Variants in AGBL2 observed in about 807,000 individuals in gnomAD.
AGBL2 encodes cytosolic carboxypeptidase 2.
AGBL2 carries 87 observed loss-of-function variants against 103.0 expected under a neutral mutation model. That is an observed-to-expected ratio of 0.84 (90% CI 0.71 to 1.01). AGBL2 has a LOEUF of 1.01. Among genes scored for constraint, AGBL2 ranks in the 50% least tolerant of loss-of-function variants. AGBL2 has a pLI of 0.00. For missense variants in AGBL2, 904 were observed against 1,023.5 expected (o/e 0.88, Z 1.59); for synonymous variants, 335 against 356.7 (o/e 0.94, Z 0.69).
intron 14 of AGBL2, among the ~76,000 whole-genome samples, chr11:47,673,183 C>T (rs1453776795): frequency 1.3e-5 from 2 of 152,148 alleles, no homozygotes; most frequent in African/African-American, 2.4e-5. Context: ...TAGAGGGAAA[C>T]AGACAATAAA....
chr11:47,684,423 G>T (rs1339926192), intron 11 of AGBL2, among the ~76,000 whole-genome samples: 4 of 151,642 alleles, frequency 2.6e-5, no homozygotes, highest in African/African-American at 9.7e-5. Context: ...TGGGTGTGGT[G>T]GCGGGTGCCT....
intron 8 of AGBL2, among the ~76,000 whole-genome samples, chr11:47,698,980 A>G (rs927180750): frequency 3.2e-4 from 49 of 152,052 alleles, no homozygotes; most frequent in Non-Finnish European, 5.4e-4. Flanking sequence ...AAAAAAAAAA[A>G]AAAAAGAATG....
Position 47,704,645 on chromosome 11 carries a change from C to T in AGBL2, c.484G>A (p.Glu162Lys). 1 of 1,613,974 alleles carries T rather than the reference C, an allele frequency of 6.2e-7. No homozygotes were observed. Among genetic ancestry groups the T allele is most frequent in the Non-Finnish European group, 8.5e-7 (1 of 1,179,982 alleles). ...AAAATGGAAAAGAGCTCTTGGGGTT[C>T]TCGAAGACGTGGGTTTACTTCATCC... ...ELDEVNPRLREPQELFSILST... is the reference protein window; with the variant it reads ...ELDEVNPRLRKPQELFSILST... Residue 162 changes from glutamate (E) to lysine (K), a missense_variant, in exon 7 of 19, where the codon GAA becomes AAA. Coordinates refer to ENST00000525123, the MANE Select transcript of AGBL2 (RefSeq NM_024783.4).
At chr11:47,686,686 C>T (rs2097425043) in intron 10 of AGBL2, among the ~76,000 whole-genome samples, 1 of 151,638 alleles carries the variant, frequency 6.6e-6, no homozygotes, top group Admixed American at 6.6e-5. Context: ...ACTGGCCGGG[C>T]ACGGTGGCTC....
chr11:47,672,705 G>A (rs1305530470), intron 14 of AGBL2, among the ~76,000 whole-genome samples: 2 of 152,138 alleles, frequency 1.3e-5, no homozygotes, highest in African/African-American at 2.4e-5. Context: ...TGGAAGGGAT[G>A]ACATGGTGAA....
Position 47,714,314 on chromosome 11 carries a change from G to A in AGBL2, c.67C>T (p.Arg23Cys). The change falls in exon 3 of 19, where the codon CGT (arginine) becomes TGT (cysteine). Residue 23 changes from arginine to cysteine, a missense_variant. Transcript: ENST00000525123. ...AAGTAGCCATAATATTGGAGGTGAC[G>A]GTACATAAAGTCTTCATAAGGATCA... is the stretch of plus-strand genomic sequence containing the variant. ...IPDPYEDFMY[R>C]HLQYYGYFKA... is the part of the protein sequence containing the mutation. 5 of 1,611,998 alleles carry A rather than the reference G, an allele frequency of 3.1e-6. No individual in the cohort carries two copies. Among genetic ancestry groups the A allele is most frequent in the Admixed American group, 1.7e-5 (1 of 59,618 alleles).
intron 11 of AGBL2, among the ~76,000 whole-genome samples, chr11:47,683,214 T>A (rs990296677): frequency 6.6e-6 from 1 of 151,376 alleles, no homozygotes; most frequent in African/African-American, 2.4e-5. Context: ...CTACTAAAAA[T>A]ACAAAAAAAT....
rs370641756 is a variant in AGBL2 at position 47,705,833 on chromosome 11, G to A, written c.286+31C>T. On this transcript the variant is annotated intron_variant, in intron 5 of 18. Transcript: ENST00000525123. ...AAGACATAGTCCAAAAAAGGAGCTT[G>A]AATCTTCTGGTCTGGAAGGACATGA... is the stretch of plus-strand genomic sequence containing the variant. 1.5e-4 allele frequency: 242 copies of A among 1,606,124 alleles called. No homozygotes were observed. In the Middle Eastern group the frequency reaches 1.8e-3, roughly 12 times the overall value.
At chr11:47,692,701 C>A (rs1019437837) in intron 8 of AGBL2, among the ~76,000 whole-genome samples, 2 of 151,674 alleles carry the variant, frequency 1.3e-5, no homozygotes, top group Non-Finnish European at 2.9e-5. Context: ...TGTGAGCCAC[C>A]ACGCCTGGCC....
chr11:47,668,768 C>A (rs998731436), intron 15 of AGBL2, 73 bp downstream of exon 15: 2 of 1,206,532 alleles, frequency 1.7e-6, no homozygotes, highest in Non-Finnish European at 2.5e-6. Flanking sequence ...TTGGAAAATT[C>A]CAACAAATTG....
chr11:47,685,872 AAAATTACATT>A lies in AGBL2; in HGVS notation c.1788+11_1788+20del. 6.2e-7 allele frequency: 1 copy of A among 1,609,534 alleles called. No homozygotes were observed. Among genetic ancestry groups the A allele is most frequent in the Non-Finnish European group, 8.5e-7 (1 of 1,177,172 alleles). ...CCCATGTCCCTAACTCAATGGAGAGAAAATTACATTATGTGCTTACCTTATCTGGTGCATT... is the reference window on the plus strand; with the variant it reads ...CCCATGTCCCTAACTCAATGGAGAGAATGTGCTTACCTTATCTGGTGCATT... On this transcript the variant is annotated intron_variant, in intron 11 of 18. Transcript: ENST00000525123.
intron 7 of AGBL2, among the ~76,000 whole-genome samples, chr11:47,702,110 C>T (rs1391672820): frequency 6.6e-6 from 1 of 152,110 alleles, no homozygotes; most frequent in Non-Finnish European, 1.5e-5. Context: ...ATGATTGCAC[C>T]ACTGCACTCC....
At chr11:47,685,027 T>C (rs1598979318) in intron 11 of AGBL2, among the ~76,000 whole-genome samples, 1 of 150,674 alleles carries the variant, frequency 6.6e-6, no homozygotes, top group African/African-American at 2.4e-5. Flanking sequence ...GCCAACGTGG[T>C]GAAACCCCGT....
At chr11:47,662,164 T>A (rs1031644574) in intron 18 of AGBL2, among the ~76,000 whole-genome samples, 1 of 151,846 alleles carries the variant, frequency 6.6e-6, no homozygotes, top group Non-Finnish European at 1.5e-5. Flanking sequence ...TTTTTAAAGT[T>A]TTTATATTTT....
At chr11:47,675,697 G>A (rs1387449391) in intron 14 of AGBL2, among the ~76,000 whole-genome samples, 1 of 151,946 alleles carries the variant, frequency 6.6e-6, no homozygotes, top group Non-Finnish European at 1.5e-5. Context: ...TCCCCATCTA[G>A]TGTTAAGGTT....
chr11:47,663,661 AT>A (rs2097333669), intron 17 of AGBL2, among the ~76,000 whole-genome samples: 1 of 150,396 alleles, frequency 6.6e-6, no homozygotes. Flanking sequence ...GGTTCAAGCG[AT>A]TCTCCTGCCT....
intron 13 of AGBL2, among the ~76,000 whole-genome samples, chr11:47,679,428 A>C (rs1281768716): frequency 6.6e-6 from 1 of 152,020 alleles, no homozygotes; most frequent in Admixed American, 6.6e-5. Flanking sequence ...CCATAGGTTA[A>C]GTCCAGAAGT....
intron 4 of AGBL2, among the ~76,000 whole-genome samples, chr11:47,708,884 G>A (rs2097529172): frequency 6.6e-6 from 1 of 152,050 alleles, no homozygotes; most frequent in African/African-American, 2.4e-5. Flanking sequence ...CACTTTGGGA[G>A]GCTGAGGTGG....
Position 47,690,288 on chromosome 11 carries a change from T to A in AGBL2, c.1419A>T (p.Lys473Asn). Residue 473 changes from lysine to asparagine, a missense_variant, in exon 10 of 19, where the codon AAA becomes AAT. Coordinates refer to ENST00000525123, the MANE Select transcript of AGBL2 (RefSeq NM_024783.4). The part of the protein sequence containing the change: ...PGESNGSWVM[K>N]GFLDFILSNS... Reference sequence around the variant, plus strand: ...TGCTAAGGATGAAGTCCAAAAAGCCTTTCATAACCCAGGAGCCATTACTTT... The same window carrying A: ...TGCTAAGGATGAAGTCCAAAAAGCCATTCATAACCCAGGAGCCATTACTTT... The A allele has an allele frequency of 3.7e-6, 6 of 1,613,684 alleles. No individual in the cohort carries two copies. The highest frequency in any genetic ancestry group is 5.1e-6 in the Non-Finnish European group (6 of 1,179,910).
Sources: gnomAD v4.1 joint callset for allele counts (sites outside exome capture counted in the v4.1 genomes callset) on GRCh38, gnomAD v4.1.1 for gene constraint, MANE v1.5 for transcripts, NCBI Gene and HGNC (gene_info 2026-07-23, HGNC 2026-07-21) for gene names.